Variants in TEX14 observed in about 807,000 individuals in gnomAD.
TEX14 encodes the protein testis expressed 14, intercellular bridge forming factor.
TEX14 carries 168 observed loss-of-function variants against 178.6 expected under a neutral mutation model. The ratio of observed to expected loss-of-function variants is 0.94; its 90% CI spans 0.83 to 1.07. The LOEUF (loss-of-function observed/expected upper bound fraction) is 1.07, where lower values mean the gene tolerates loss of function less well. Ranked by LOEUF, TEX14 falls within the 50% of genes least tolerant of loss-of-function variation. TEX14 has a pLI of 0.00. For synonymous variants in TEX14, 626 were observed against 634.1 expected (o/e 0.99, Z 0.19); for missense variants, 1,730 against 1,753.6 (o/e 0.99, Z 0.24).
intron 23 of TEX14, among the ~76,000 whole-genome samples, chr17:58,572,845 T>C (rs1399952262): frequency 6.6e-6 from 1 of 152,218 alleles, no homozygotes; most frequent in East Asian, 1.9e-4. Flanking sequence ...TTAAGAACTA[T>C]ATAAAGTTTA....
At chr17:58,645,513 C>T (rs1349650543) in intron 2 of TEX14, among the ~76,000 whole-genome samples, 2 of 152,092 alleles carry the variant, frequency 1.3e-5, no homozygotes, top group Non-Finnish European at 2.9e-5. Context: ...CGCCCGCCAC[C>T]GCGCCCGACT....
rs1046456878 is a variant in TEX14 at position 58,569,809 on chromosome 17, C to T, written c.3818-549G>A. 1.3e-5 allele frequency among the ~76,000 whole-genome samples: 2 copies of T among 152,176 alleles called. No homozygotes were observed. Among genetic ancestry groups the T allele is most frequent in the Admixed American group, 6.6e-5 (1 of 15,266 alleles). Reference sequence around the variant, plus strand: ...CAAGAGTTATACCAAAGACAGAAGACGTTAAAATTAAAGTAATAAAGGTAA... The same window carrying T: ...CAAGAGTTATACCAAAGACAGAAGATGTTAAAATTAAAGTAATAAAGGTAA... On this transcript the variant is annotated intron_variant, in intron 25 of 31. Transcript: ENST00000349033. The surrounding 1 kb of genome is among the most constrained non-coding windows in gnomAD (Gnocchi z 4.1).
chr17:58,569,135 G>T lies in TEX14; in HGVS notation c.3886+57C>A, dbSNP rs1000502324. 2 of 1,360,746 alleles carry T rather than the reference G, an allele frequency of 1.5e-6. No individual in the cohort carries two copies. The highest frequency in any genetic ancestry group is 1.2e-5 in the South Asian group (1 of 84,458). 84.3% of individuals were successfully genotyped at this position (1,360,746 alleles called of 1,614,324 possible). A position where few individuals can be genotyped will look rare whatever the true frequency, so the allele number is the denominator to read the frequency against. On this transcript the variant is annotated intron_variant, in intron 26 of 31. Coordinates refer to ENST00000349033, the MANE Select transcript of TEX14 (RefSeq NM_031272.5). This position sits in a 1 kb window ranked among gnomAD's most constrained non-coding sequence, Gnocchi z 4.1. ...ACTTGAGACAAAGACACCATACTGT[G>T]GTCAGTGACATAACTAACAGGGCCG...
chr17:58,601,452 G>A lies in TEX14; in HGVS notation c.1678+354C>T, dbSNP rs578137482. Among the ~76,000 whole-genome samples the A allele has an allele frequency of 2.5e-3, 378 of 151,422 alleles. 1 individual carries two copies. The highest frequency in any genetic ancestry group is 4.3e-3 in the Non-Finnish European group (292 of 67,908). On this transcript the variant is annotated intron_variant, in intron 13 of 31. Transcript: ENST00000349033. ...CAGGAGAATTGCTTGAACCCGGGAG[G>A]CGGAGGTTGCAATGAGCCGAGACCC...
At chr17:58,664,253 T>C (rs2047168953) in intron 1 of TEX14, among the ~76,000 whole-genome samples, 1 of 152,190 alleles carries the variant, frequency 6.6e-6, no homozygotes, top group South Asian at 2.1e-4. Context: ...CTTTCAATGG[T>C]ATCCATGAAT....
At chr17:58,619,259 C>A (rs2045943000) in intron 5 of TEX14, among the ~76,000 whole-genome samples, 1 of 152,190 alleles carries the variant, frequency 6.6e-6, no homozygotes. Context: ...ACCTGGACAA[C>A]TGCAGTTCAG....
chr17:58,647,391 G>A (rs1356227776), intron 2 of TEX14, among the ~76,000 whole-genome samples: 1 of 151,690 alleles, frequency 6.6e-6, no homozygotes, highest in African/African-American at 2.4e-5. Context: ...AATTAGCTGG[G>A]TGTAGTGGCG....
chr17:58,573,797 G>T (rs1334157994), intron 22 of TEX14, among the ~76,000 whole-genome samples: 1 of 152,106 alleles, frequency 6.6e-6, no homozygotes, highest in African/African-American at 2.4e-5. Context: ...GGGATTACAG[G>T]CATGAGCCAC....
At chr17:58,585,435 A>C (rs959404190) in intron 18 of TEX14, among the ~76,000 whole-genome samples, 2 of 151,696 alleles carry the variant, frequency 1.3e-5, no homozygotes, top group Non-Finnish European at 1.5e-5. Flanking sequence ...AGAGCTGATA[A>C]CTTTTTTTTA....
At chr17:58,630,783 T>C (rs758245076) in intron 2 of TEX14, among the ~76,000 whole-genome samples, 29 of 152,180 alleles carry the variant, frequency 1.9e-4, no homozygotes, top group Non-Finnish European at 3.1e-4. Context: ...CATTGAAGCA[T>C]TTAGTTCACC....
intron 5 of TEX14, among the ~76,000 whole-genome samples, chr17:58,619,796 C>CA (rs71367606): frequency 0.064 from 4,732 of 73,366 alleles, 165 homozygotes; most frequent in Non-Finnish European, 0.087. Context: ...GACTCAGTCT[C>CA]AAAAAAAAAA....
At chr17:58,652,633 A>G (rs1277130520) in intron 1 of TEX14, among the ~76,000 whole-genome samples, 3 of 152,162 alleles carry the variant, frequency 2.0e-5, no homozygotes, top group Admixed American at 1.3e-4. Context: ...GACTAATACA[A>G]TATTTGTCAC....
At chr17:58,613,744 G>A (rs926773264) in intron 8 of TEX14, among the ~76,000 whole-genome samples, 200 bp from the exon 9 acceptor site, 12 of 152,040 alleles carry the variant, frequency 7.9e-5, no homozygotes, top group Non-Finnish European at 1.8e-4. Context: ...CTGGCTCACT[G>A]CAACCTCCGC....
rs565381990 is a variant in TEX14 at position 58,671,692 on chromosome 17, G to A, written c.-1-19690C>T. On this transcript the variant is annotated intron_variant, in intron 1 of 31. Coordinates refer to ENST00000349033, the MANE Select transcript of TEX14 (RefSeq NM_031272.5). ...TTTCTGGATTTGTTTCTTTCTCTGG[G>A]TCTCTGTGGATTTCTCTTTTTGCTA... 2.6e-5 allele frequency among the ~76,000 whole-genome samples: 4 copies of A among 152,088 alleles called. No homozygotes were observed. In the South Asian group the frequency reaches 8.3e-4, roughly 32 times the overall value.
intron 2 of TEX14, among the ~76,000 whole-genome samples, chr17:58,650,748 C>T (rs761708589): frequency 1.8e-4 from 27 of 152,176 alleles, no homozygotes; most frequent in Non-Finnish European, 3.4e-4. Context: ...GCTCGGTTTA[C>T]AGATAGGTGG....
intron 2 of TEX14, among the ~76,000 whole-genome samples, chr17:58,650,650 C>A (rs1435662636): frequency 1.3e-5 from 2 of 151,862 alleles, no homozygotes; most frequent in Non-Finnish European, 2.9e-5. Context: ...TTTGTAGAGA[C>A]AGGGTCTCAC....
chr17:58,566,273 G>A (rs1307791039), intron 26 of TEX14, among the ~76,000 whole-genome samples: 1 of 152,174 alleles, frequency 6.6e-6, no homozygotes, highest in Non-Finnish European at 1.5e-5. Flanking sequence ...AATAGACTGT[G>A]TTATTGTTAC....
intron 1 of TEX14, among the ~76,000 whole-genome samples, chr17:58,671,250 G>T (rs1053304021): frequency 2.0e-5 from 3 of 152,168 alleles, no homozygotes; most frequent in Non-Finnish European, 4.4e-5. Flanking sequence ...ACTAGAGAGG[G>T]TTTCTTTTGT....
At chr17:58,610,762 T>C (rs2045724793) in intron 10 of TEX14, among the ~76,000 whole-genome samples, 1 of 151,904 alleles carries the variant, frequency 6.6e-6, no homozygotes, top group Admixed American at 6.6e-5. Context: ...GGTGAGCACC[T>C]GTAACCCCAG....
Sources: allele counts gnomAD v4.1 joint callset (sites outside exome capture counted in the v4.1 genomes callset), GRCh38; gene constraint gnomAD v4.1.1; non-coding constraint Gnocchi (gnomAD v3.1); transcripts MANE v1.5; gene names NCBI Gene and HGNC (gene_info 2026-07-23, HGNC 2026-07-21).